The following RNF43 variants were observed in gnomAD, a reference collection of about 807,000 sequenced individuals.
The protein encoded by RNF43 is E3 ubiquitin-protein ligase RNF43.
RNF43 carries 37 observed loss-of-function variants against 78.4 expected under a neutral mutation model. That is an observed-to-expected ratio of 0.47 (90% CI 0.36 to 0.62). The LOEUF (loss-of-function observed/expected upper bound fraction) is 0.62, where lower values mean the gene tolerates loss of function less well. Among genes scored for constraint, RNF43 ranks in the 20% least tolerant of loss-of-function variants. The probability of loss-of-function intolerance (pLI) is 0.00; values close to 1 mark genes in which losing one functional copy is unlikely to be tolerated. For missense variants in RNF43, 774 were observed against 1,007.9 expected (o/e 0.77, Z 3.14); for synonymous variants, 347 against 395.0 (o/e 0.88, Z 1.44).
Position 58,357,542 on chromosome 17 carries a change from G to A in RNF43, c.2234C>T (p.Ser745Phe), listed in dbSNP as rs370703233. The A allele has an allele frequency of 2.2e-5, 35 of 1,614,096 alleles. No individual in the cohort carries two copies. Among genetic ancestry groups the A allele is most frequent in the Non-Finnish European group, 2.9e-5 (34 of 1,180,048 alleles). Residue 745 changes from serine to phenylalanine, a missense_variant, in exon 9 of 10, where the codon TCT becomes TTT. Ser to Phe is a radical substitution (Grantham distance 155). Coordinates refer to ENST00000407977, the MANE Select transcript of RNF43 (RefSeq NM_017763.6). The surrounding 1 kb of genome is among the most constrained non-coding windows in gnomAD (Gnocchi z 4.5). ...CTCTGCGGTGTCAGAACTCCATTCA[G>A]AAGGCCCCTCCCCAGGTGGATGTGG... ...LEPHPPGEGP[S>F]EWSSDTAEGR...
Position 58,371,016 on chromosome 17 carries a change from C to A in RNF43, c.270G>T (p.Leu90=). The A allele has an allele frequency of 6.2e-7, 1 of 1,605,814 alleles. No individual in the cohort carries two copies. Residue 90 remains leucine, a synonymous_variant, in exon 3 of 10, where the codon CTG becomes CTT. Coordinates refer to ENST00000407977, the MANE Select transcript of RNF43 (RefSeq NM_017763.6). ...GKLMQSHPLY[L]CNASDDDNLE... is the part of the protein sequence containing the mutation. ...GATTGTCGTCATCACTGGCATTGCA[C>A]AGGTACAGCGGGTGGGACTGCAGAG...
rs2143445173 is a variant in RNF43 at position 58,360,815 on chromosome 17, C to T, written c.817G>A (p.Ala273Thr). The change falls in exon 7 of 10, where the codon GCC becomes ACC. Residue 273 changes from alanine (A) to threonine (T), a missense_variant. Physicochemically the swap from Ala to Thr is moderately conservative, Grantham distance 58. Coordinates refer to ENST00000407977, the MANE Select transcript of RNF43 (RefSeq NM_017763.6). This position sits in a 1 kb window ranked among gnomAD's most constrained non-coding sequence, Gnocchi z 4.3. The stretch of plus-strand genomic sequence containing the variant: ...TCAGAGAACTCCTCCAGACAGATGG[C>T]ACACACAGGGGCTGAGCTGCAGCTG... The part of the protein sequence containing the change: ...GSSCSSAPVC[A>T]ICLEEFSEGQ... 1.2e-6 allele frequency: 2 copies of T among 1,612,570 alleles called. No homozygotes were observed. Among genetic ancestry groups the T allele is most frequent in the Non-Finnish European group, 1.7e-6 (2 of 1,179,248 alleles).
At chr17:58,371,503 C>T (rs957204287) in intron 2 of RNF43, among the ~76,000 whole-genome samples, 6 of 152,248 alleles carry the variant, frequency 3.9e-5, no homozygotes, top group African/African-American at 1.4e-4. Context: ...CTGGTGCCTC[C>T]TGCCTCCTCG....
chr17:58,390,582 A>G lies in RNF43; in HGVS notation c.253-19549T>C, dbSNP rs573848144. Among the ~76,000 whole-genome samples, 74 of 152,222 alleles carry G rather than the reference A, an allele frequency of 4.9e-4. 2 individuals are homozygous for G. The highest frequency in any genetic ancestry group is 5.3e-4 in the Non-Finnish European group (36 of 68,040). On this transcript the variant is annotated intron_variant, in intron 2 of 9. Transcript: ENST00000407977. ...ACAGTAGCCTTAAAACTATATGAACATCTTTAGAAATAGTAATCAGAAAAG... is the reference window on the plus strand; with the variant it reads ...ACAGTAGCCTTAAAACTATATGAACGTCTTTAGAAATAGTAATCAGAAAAG...
intron 2 of RNF43, among the ~76,000 whole-genome samples, chr17:58,379,382 C>T (rs1973267940): frequency 1.3e-5 from 2 of 152,108 alleles, no homozygotes; most frequent in Admixed American, 1.3e-4. Flanking sequence ...GCAGCCAGAC[C>T]CAGACGCTGC....
chr17:58,391,228 G>C (rs958069443), intron 2 of RNF43, among the ~76,000 whole-genome samples: 1 of 152,220 alleles, frequency 6.6e-6, no homozygotes, highest in Non-Finnish European at 1.5e-5. Flanking sequence ...TCAGACATGA[G>C]TGTGTGCTGG....
rs187501404 is a variant in RNF43 at position 58,413,053 on chromosome 17, G to A, written c.252+2273C>T. Among the ~76,000 whole-genome samples the A allele has an allele frequency of 6.7e-4, 102 of 152,200 alleles. 1 individual carries two copies. The highest frequency in any genetic ancestry group is 2.4e-3 in the African/African-American group (101 of 41,552). ...CAGGGTACAGCTCTCCATTGAGAAAGCTAAAGTTCAGCAAAGCACATCTCT... is the reference window on the plus strand; with the variant it reads ...CAGGGTACAGCTCTCCATTGAGAAAACTAAAGTTCAGCAAAGCACATCTCT... On this transcript the variant is annotated intron_variant, in intron 2 of 9. Coordinates refer to ENST00000407977, the MANE Select transcript of RNF43 (RefSeq NM_017763.6).
chr17:58,380,481 T>A (rs1264936355), intron 2 of RNF43, among the ~76,000 whole-genome samples: 1 of 152,236 alleles, frequency 6.6e-6, no homozygotes, highest in Non-Finnish European at 1.5e-5. Context: ...ACAGTTTGCT[T>A]TATTATTTGA....
chr17:58,361,388 A>G (rs1972831715), intron 6 of RNF43, among the ~76,000 whole-genome samples: 1 of 152,096 alleles, frequency 6.6e-6, no homozygotes, highest in Non-Finnish European at 1.5e-5. Flanking sequence ...ATATCCCACA[A>G]TCAATCCATT....
chr17:58,384,662 G>A (rs8067183), intron 2 of RNF43, among the ~76,000 whole-genome samples: 37,828 of 151,984 alleles, frequency 0.25, 5,249 homozygotes, highest in South Asian at 0.36. Context: ...TCTGGGCATC[G>A]GTTTCAGGTA....
At chr17:58,388,952 G>C (rs1168687971) in intron 2 of RNF43, among the ~76,000 whole-genome samples, 1 of 152,202 alleles carries the variant, frequency 6.6e-6, no homozygotes, top group East Asian at 1.9e-4. Context: ...GATAGCTGAG[G>C]TAGGATCAAA....
intron 3 of RNF43, among the ~76,000 whole-genome samples, chr17:58,370,059 A>ATTT (rs1973047299): frequency 1.2e-5 from 1 of 82,848 alleles, no homozygotes; most frequent in African/African-American, 4.9e-5. Context: ...TGAAAATCTG[A>ATTT]GTTTTTTTTT....
At position 58,372,564 on chromosome 17, in the gene RNF43, G is replaced by A. The variant is rs534115177; in HGVS notation, c.253-1531C>T. On this transcript the variant is annotated intron_variant, in intron 2 of 9. Coordinates refer to ENST00000407977, the MANE Select transcript of RNF43 (RefSeq NM_017763.6). The stretch of plus-strand genomic sequence containing the variant: ...ATTCATTTCTTTGTTCTGCCAGCAC[G>A]GAAGGCCCCCTTGGTGTCAGGCTCT... 1.1e-3 allele frequency among the ~76,000 whole-genome samples: 165 copies of A among 152,286 alleles called. 1 individual carries two copies. The highest frequency in any genetic ancestry group is 3.8e-3 in the African/African-American group (156 of 41,546).
At chr17:58,405,508 G>GA (rs1973886705) in intron 2 of RNF43, among the ~76,000 whole-genome samples, 1 of 151,808 alleles carries the variant, frequency 6.6e-6, no homozygotes, top group African/African-American at 2.4e-5. Flanking sequence ...AATGACTCTT[G>GA]AAAAAATGAA....
intron 2 of RNF43, among the ~76,000 whole-genome samples, chr17:58,379,266 C>T (rs928334505): frequency 1.3e-5 from 2 of 152,274 alleles, no homozygotes; most frequent in Admixed American, 6.5e-5. Flanking sequence ...TCATTCTTAA[C>T]AAGACAGAAG....
chr17:58,358,881 T>C lies in RNF43; in HGVS notation c.953-58A>G. 7.1e-7 allele frequency: 1 copy of C among 1,417,588 alleles called. No homozygotes were observed. Among genetic ancestry groups the C allele is most frequent in the Non-Finnish European group, 9.2e-7 (1 of 1,083,932 alleles). The allele number at this position is 1,417,588 out of a possible 1,614,324, so 87.8% of individuals were successfully genotyped here. A position where few individuals can be genotyped will look rare whatever the true frequency, so the allele number is the denominator to read the frequency against. On this transcript the variant is annotated intron_variant, in intron 8 of 9. Coordinates refer to ENST00000407977, the MANE Select transcript of RNF43 (RefSeq NM_017763.6). The surrounding 1 kb of genome is among the most constrained non-coding windows in gnomAD (Gnocchi z 6.2). ...ACTCTACAAACCTACAGAGAATGCA[T>C]TCAGAAAGACATGGCTGTAGCTAAT... is the stretch of plus-strand genomic sequence containing the variant.
chr17:58,401,839 A>C (rs1485575274), intron 2 of RNF43, among the ~76,000 whole-genome samples: 3 of 138,182 alleles, frequency 2.2e-5, no homozygotes, highest in Non-Finnish European at 4.7e-5. Context: ...AAAAAAAAAA[A>C]CCTATAATCT....
At chr17:58,367,026 GCT>G (rs781202783) in intron 3 of RNF43, among the ~76,000 whole-genome samples, 104 of 131,628 alleles carry the variant, frequency 7.9e-4, no homozygotes, top group Non-Finnish European at 1.2e-3. Flanking sequence ...ACGGAGTCTC[GCT>G]CTGTCACCAG....
At chr17:58,397,279 TGAAAA>T (rs149013194) in intron 2 of RNF43, among the ~76,000 whole-genome samples, 2,290 of 152,026 alleles carry the variant, frequency 0.015, 105 homozygotes, top group East Asian at 0.11. Context: ...ACCAAAAACA[TGAAAA>T]GAAAAGAGAT....
Sources: allele counts gnomAD v4.1 joint callset (sites outside exome capture counted in the v4.1 genomes callset), GRCh38; gene constraint gnomAD v4.1.1; non-coding constraint Gnocchi (gnomAD v3.1); transcripts MANE v1.5; gene names NCBI Gene and HGNC (gene_info 2026-07-23, HGNC 2026-07-21).